Variants in DOP1A observed in about 807,000 individuals in gnomAD.
DOP1A encodes the protein protein DOP1A.
A neutral mutation model predicts 267.6 loss-of-function variants in DOP1A; 90 were observed. The observed-to-expected ratio is 0.34, with a 90% CI of 0.28 to 0.40. The LOEUF (loss-of-function observed/expected upper bound fraction) is 0.40, where lower values mean the gene tolerates loss of function less well. DOP1A is among the 10% of genes least tolerant of loss of function. The pLI, the probability that DOP1A is intolerant of heterozygous loss-of-function variation, is 1.00. For synonymous variants in DOP1A, 932 were observed against 999.1 expected, an observed-to-expected ratio of 0.93 and a Z score of 1.27; for missense variants, 2,437 against 2,900.4, an observed-to-expected ratio of 0.84 and a Z score of 3.67.
At position 83,138,917 on chromosome 6, in the gene DOP1A, T is replaced by C; in HGVS notation, c.4875T>C (p.Ser1625=). ...EHISPHQPMT[S]LQYLHAQPIT... ...TCAGTCCCCATCAACCCATGACTTC[T>C]CTTCAGTATTTGCATGCTCAGCCAA... is the stretch of plus-strand genomic sequence containing the variant. Residue 1625 remains serine, a synonymous_variant, in exon 21 of 39, where the codon TCT becomes TCC. Transcript: ENST00000349129. 1.9e-6 allele frequency: 3 copies of C among 1,614,126 alleles called. No homozygotes were observed. Among genetic ancestry groups the C allele is most frequent in the South Asian group, 2.2e-5 (2 of 91,084 alleles).
At chr6:83,133,624 A>ATTG (rs1562339914) in intron 18 of DOP1A, among the ~76,000 whole-genome samples, 1 of 152,074 alleles carries the variant, frequency 6.6e-6, no homozygotes, top group Non-Finnish European at 1.5e-5. Flanking sequence ...TTATTTTTAC[A>ATTG]TTGTTTTACC....
At chr6:83,100,520 A>G (rs1296608578) in intron 3 of DOP1A, among the ~76,000 whole-genome samples, 185 bp from the exon 4 acceptor site, 2 of 152,202 alleles carry the variant, frequency 1.3e-5, no homozygotes, top group East Asian at 1.9e-4. Context: ...TATTTTTTAA[A>G]CAAATTAATA....
intron 34 of DOP1A, 131 bp downstream of exon 34, chr6:83,156,234 A>G: frequency 1.4e-6 from 1 of 719,408 alleles, no homozygotes; most frequent in Non-Finnish European, 2.2e-6. Context: ...AAATTTTTCT[A>G]CTGAAACAAT....
At chr6:83,123,414 C>T (rs1776655845) in intron 12 of DOP1A, among the ~76,000 whole-genome samples, 1 of 152,008 alleles carries the variant, frequency 6.6e-6, no homozygotes, top group Non-Finnish European at 1.5e-5. Flanking sequence ...TAAAAGCCTT[C>T]TACCCCTTAG....
chr6:83,155,828 A>T, intron 33 of DOP1A, 123 bp from the exon 34 acceptor site: 1 of 1,179,250 alleles, frequency 8.5e-7, no homozygotes, highest in East Asian at 2.5e-5. Flanking sequence ...GAGGGGCATC[A>T]AGTTTTGTAC....
In DOP1A at chr6:83,137,842, G is replaced by A. The variant is rs1779085425; in HGVS notation, c.3800G>A (p.Ser1267Asn). ...ETKSRQRSHSSIQFSFKEKLS... is the reference protein window; with the variant it reads ...ETKSRQRSHSNIQFSFKEKLS... ...AAATCTAGACAAAGGAGTCACAGTA[G>A]TATTCAATTCAGCTTCAAAGAAAAA... The change falls in exon 21 of 39, where the codon AGT (serine) becomes AAT (asparagine). Residue 1267 changes from serine to asparagine, a missense_variant. By Grantham distance (46) the Ser-to-Asn change is conservative. Transcript: ENST00000349129. The A allele has an allele frequency of 3.1e-6, 5 of 1,613,648 alleles. No individual in the cohort carries two copies. Among genetic ancestry groups the A allele is most frequent in the Non-Finnish European group, 3.4e-6 (4 of 1,179,842 alleles).
intron 30 of DOP1A, among the ~76,000 whole-genome samples, 156 bp downstream of exon 30, chr6:83,152,523 G>A (rs1028547): frequency 6.6e-6 from 1 of 151,590 alleles, no homozygotes; most frequent in African/African-American, 2.4e-5. Context: ...GGCCTTGTAT[G>A]TATTTGGATT....
chr6:83,103,710 G>C (rs1773023016), intron 4 of DOP1A, among the ~76,000 whole-genome samples: 1 of 151,988 alleles, frequency 6.6e-6, no homozygotes, highest in Non-Finnish European at 1.5e-5. Flanking sequence ...CACTAATTCT[G>C]TCTCTCCTTT....
At chr6:83,098,821 TAGGAA>T (rs1438327553) in intron 3 of DOP1A, among the ~76,000 whole-genome samples, 1 of 152,128 alleles carries the variant, frequency 6.6e-6, no homozygotes, top group African/African-American at 2.4e-5. Flanking sequence ...AGAAATGTGA[TAGGAA>T]AGAAAAGATA....
chr6:83,078,647 T>C (rs1767550522), intron 1 of DOP1A, among the ~76,000 whole-genome samples: 1 of 152,198 alleles, frequency 6.6e-6, no homozygotes, highest in African/African-American at 2.4e-5. Context: ...TGACAGACTT[T>C]ACAGCATTTC....
intron 1 of DOP1A, among the ~76,000 whole-genome samples, chr6:83,088,296 G>C (rs1347033047): frequency 6.6e-6 from 1 of 152,026 alleles, no homozygotes; most frequent in Non-Finnish European, 1.5e-5. Context: ...TATACCATTT[G>C]AAAGTTTGAG....
Position 83,158,616 on chromosome 6 carries a change from T to G in DOP1A, c.6791T>G (p.Ile2264Ser), listed in dbSNP as rs1783404272. 3.7e-6 allele frequency: 6 copies of G among 1,603,656 alleles called. No individual in the cohort carries two copies. In the East Asian group the frequency reaches 1.3e-4, roughly 36 times the overall value. ...CAGGAACTCACTGCTGATGAAGATA[T>G]TTCACGGTAATATGTAATTTAAATA... ...MEQELTADED[I>S]SRTSGPSVAG... The change falls in exon 36 of 39, where the codon ATT (isoleucine) becomes AGT (serine). Residue 2264 changes from isoleucine (I) to serine (S), a missense_variant. Coordinates refer to ENST00000349129, the MANE Select transcript of DOP1A (RefSeq NM_015018.4).
At chr6:83,125,952 A>G (rs934093152) in intron 15 of DOP1A, among the ~76,000 whole-genome samples, 4 of 152,020 alleles carry the variant, frequency 2.6e-5, no homozygotes, top group African/African-American at 9.7e-5. Flanking sequence ...GGCATATGTA[A>G]TTCAATTTTC....
chr6:83,163,936 C>T (rs1784821016), intron 38 of DOP1A, among the ~76,000 whole-genome samples: 1 of 151,794 alleles, frequency 6.6e-6, no homozygotes, highest in South Asian at 2.1e-4. Context: ...ATGCATCATG[C>T]TAATTTATTA....
At chr6:83,113,927 C>T (rs989721306) in intron 7 of DOP1A, among the ~76,000 whole-genome samples, 5 of 152,064 alleles carry the variant, frequency 3.3e-5, no homozygotes, top group African/African-American at 1.2e-4. Context: ...TTAATCAGTG[C>T]CCTCATTTTA....
intron 37 of DOP1A, 136 bp from the exon 38 acceptor site, chr6:83,162,654 A>C: frequency 1.1e-6 from 1 of 913,314 alleles, no homozygotes; most frequent in East Asian, 2.6e-5. Flanking sequence ...CAAAGTGACA[A>C]GGCTACGAGT....
chr6:83,097,699 A>G (rs1041621122), intron 3 of DOP1A, among the ~76,000 whole-genome samples: 1 of 152,012 alleles, frequency 6.6e-6, no homozygotes, highest in Non-Finnish European at 1.5e-5. Context: ...CTGGCGCTTC[A>G]TTTTGACCTT....
intron 15 of DOP1A, 120 bp downstream of exon 15, chr6:83,125,853 A>C: frequency 2.3e-6 from 2 of 886,308 alleles, no homozygotes; most frequent in Non-Finnish European, 1.7e-6. Flanking sequence ...CCTAGATCCA[A>C]ATGCAGTGTT....
chr6:83,096,418 G>T (rs1771523782), intron 1 of DOP1A, among the ~76,000 whole-genome samples: 1 of 150,300 alleles, frequency 6.7e-6, no homozygotes, highest in Non-Finnish European at 1.5e-5. Context: ...GTTCTTGTCA[G>T]TTTTATTCAA....
Sources: allele counts gnomAD v4.1 joint callset (sites outside exome capture counted in the v4.1 genomes callset), GRCh38; gene constraint gnomAD v4.1.1; transcripts MANE v1.5; gene names NCBI Gene and HGNC (gene_info 2026-07-23, HGNC 2026-07-21).